The following PCDH15 variants were observed in gnomAD, a reference collection of about 807,000 sequenced individuals.
PCDH15 encodes the protein protocadherin related 15, also known as protocadherin-15.
PCDH15 carries 129 observed loss-of-function variants against 178.5 expected under a neutral mutation model. The ratio of observed to expected loss-of-function variants is 0.72; its 90% confidence interval spans 0.63 to 0.84. PCDH15 has a LOEUF of 0.84. Among genes scored for constraint, PCDH15 ranks in the 40% least tolerant of loss-of-function variants. PCDH15 has a pLI of 0.00. For synonymous variants in PCDH15, 800 were observed against 732.0 expected, an observed-to-expected ratio of 1.09 and a Z score of -1.50; for missense variants, 2,230 against 2,099.9, an observed-to-expected ratio of 1.06 and a Z score of -1.21.
At chr10:54,991,500 T>A (rs1839500323) in intron 2 of PCDH15, among the ~76,000 whole-genome samples, 1 of 152,170 alleles carries the variant, frequency 6.6e-6, no homozygotes, top group South Asian at 2.1e-4. Flanking sequence ...CATCTTGGCC[T>A]TTCAAATAAT....
At chr10:55,207,620 T>C (rs117546422) in intron 1 of PCDH15, among the ~76,000 whole-genome samples, 3,642 of 152,288 alleles carry the variant, frequency 0.024, 82 homozygotes, top group Non-Finnish European at 0.037. Flanking sequence ...CAGATAGTTA[T>C]AATCAGTGGG....
chr10:53,809,246 A>G, intron 37 of PCDH15: 1 of 1,613,866 alleles, frequency 6.2e-7, no homozygotes, highest in South Asian at 1.1e-5. Context: ...TCGCTGGAGG[A>G]TTCCTCCTCT....
chr10:54,523,333 AAC>A (rs2083071136), intron 3 of PCDH15, among the ~76,000 whole-genome samples: 1 of 152,226 alleles, frequency 6.6e-6, no homozygotes, highest in Non-Finnish European at 1.5e-5. Context: ...AGTGTACTTT[AAC>A]AGTGCGTAGA....
chr10:55,329,811 C>T (rs563723711), intron 2 of PCDH15, among the ~76,000 whole-genome samples: 66 of 151,670 alleles, frequency 4.4e-4, no homozygotes, highest in African/African-American at 1.2e-3. Flanking sequence ...TGAAATGAGT[C>T]CACCTAAGGA....
chr10:54,165,306 T>C (rs930341002), intron 13 of PCDH15, among the ~76,000 whole-genome samples: 3 of 152,156 alleles, frequency 2.0e-5, no homozygotes, highest in African/African-American at 7.2e-5. Flanking sequence ...TTTGGTTGTA[T>C]AATTTGGAAA....
At chr10:54,639,152 T>G (rs2093932687) in intron 2 of PCDH15, among the ~76,000 whole-genome samples, 2 of 152,160 alleles carry the variant, frequency 1.3e-5, no homozygotes, top group Admixed American at 1.3e-4. Flanking sequence ...TGATGTTTTC[T>G]TATAGAATTG....
rs538395289 is a variant in PCDH15 at position 53,832,936 on chromosome 10, C to CT, written c.3984-1404dup. 4.0e-5 allele frequency among the ~76,000 whole-genome samples: 6 copies of CT among 151,840 alleles called. No homozygotes were observed. The East Asian group carries it at 7.7e-4, about 20-fold the overall frequency. ...ATGTGGCAATTAGAATGCTTTTTTG[C>CT]TTTTTTTAAACAGATACGCTTTTAT... On this transcript the variant is annotated intron_variant, in intron 29 of 37. Transcript: ENST00000644397.
intron 2 of PCDH15, among the ~76,000 whole-genome samples, chr10:55,334,840 C>T (rs1844336772): frequency 6.6e-6 from 1 of 152,046 alleles, no homozygotes; most frequent in Admixed American, 6.6e-5. Context: ...CTCCTTGGTG[C>T]TAAAAATGTA....
intron 3 of PCDH15, among the ~76,000 whole-genome samples, chr10:54,467,589 T>G (rs2077604270): frequency 1.3e-5 from 2 of 148,384 alleles, no homozygotes; most frequent in African/African-American, 2.5e-5. Context: ...TCATCAAGGA[T>G]ATCAAGCTGT....
At chr10:55,023,467 A>G (rs1840390233) in intron 2 of PCDH15, among the ~76,000 whole-genome samples, 1 of 152,162 alleles carries the variant, frequency 6.6e-6, no homozygotes, top group African/African-American at 2.4e-5. Context: ...GTCTAGATAA[A>G]TTTTGTAATT....
intron 21 of PCDH15, among the ~76,000 whole-genome samples, chr10:53,966,008 C>T (rs1403478387): frequency 6.1e-5 from 1 of 16,456 alleles, no homozygotes; most frequent in East Asian, 7.2e-3. Flanking sequence ...ATGATTTTTA[C>T]AGATAAGATT....
At chr10:54,015,961 C>T (rs1176662066) in intron 20 of PCDH15, among the ~76,000 whole-genome samples, 1 of 151,944 alleles carries the variant, frequency 6.6e-6, no homozygotes, top group Non-Finnish European at 1.5e-5. Flanking sequence ...AACAAAAAAA[C>T]TATCAACAGA....
intron 2 of PCDH15, among the ~76,000 whole-genome samples, chr10:55,542,525 C>A (rs1841788965): frequency 6.7e-6 from 1 of 150,160 alleles, no homozygotes; most frequent in African/African-American, 2.4e-5. Context: ...TATATGTACA[C>A]ATGTACATAT....
At chr10:53,971,589 G>C (rs2134445656) in intron 21 of PCDH15, among the ~76,000 whole-genome samples, 1 of 152,270 alleles carries the variant, frequency 6.6e-6, no homozygotes, top group East Asian at 1.9e-4. Context: ...CTTCAGCAAA[G>C]TCTCAGGATA....
intron 15 of PCDH15, among the ~76,000 whole-genome samples, chr10:54,106,797 AGAAATT>A (rs932452108): frequency 5.3e-5 from 8 of 152,234 alleles, no homozygotes; most frequent in South Asian, 2.1e-4. Context: ...TTCAGACAGA[AGAAATT>A]GAAATTGATT....
intron 2 of PCDH15, among the ~76,000 whole-genome samples, chr10:55,054,527 C>T (rs1437651783): frequency 6.6e-6 from 1 of 151,972 alleles, no homozygotes; most frequent in Non-Finnish European, 1.5e-5. Context: ...ATTTATATTT[C>T]TTTGGATATA....
chr10:53,922,673 G>A (rs1354994888), intron 25 of PCDH15, among the ~76,000 whole-genome samples: 1 of 151,976 alleles, frequency 6.6e-6, no homozygotes, highest in African/African-American at 2.4e-5. Flanking sequence ...TTTACTGTTT[G>A]TCCTTTAAAC....
chr10:53,954,358 G>T (rs2087397274), intron 23 of PCDH15, among the ~76,000 whole-genome samples: 1 of 152,092 alleles, frequency 6.6e-6, no homozygotes, highest in Admixed American at 6.6e-5. Flanking sequence ...TTATATTCCA[G>T]CAACTAATCA....
At chr10:54,778,134 C>T (rs1330189915) in intron 1 of PCDH15, among the ~76,000 whole-genome samples, 1 of 152,190 alleles carries the variant, frequency 6.6e-6, no homozygotes, top group Non-Finnish European at 1.5e-5. Flanking sequence ...TTGCACTCAT[C>T]TTCTGATGCT....
Sources: gnomAD v4.1 joint callset for allele counts (sites outside exome capture counted in the v4.1 genomes callset) on GRCh38, gnomAD v4.1.1 for gene constraint, MANE v1.5 for transcripts, NCBI Gene and HGNC (gene_info 2026-07-23, HGNC 2026-07-21) for gene names.